The following MTUS2 variants were observed in gnomAD, a reference collection of about 807,000 sequenced individuals.
The protein encoded by MTUS2 is microtubule associated scaffold protein 2.
MTUS2 carries 40 observed loss-of-function variants against 114.1 expected under a neutral mutation model. The observed-to-expected ratio is 0.35, with a 90% confidence interval of 0.27 to 0.46. The LOEUF is 0.46. Ranked by LOEUF, MTUS2 falls within the 20% of genes least tolerant of loss-of-function variation. The pLI is 1.00. For synonymous variants in MTUS2, 688 were observed against 672.0 expected (o/e 1.02, Z -0.37); for missense variants, 1,679 against 1,705.4 (o/e 0.98, Z 0.27).
chr13:29,355,439 G>A (rs1229254051), intron 7 of MTUS2, among the ~76,000 whole-genome samples: 1 of 152,230 alleles, frequency 6.6e-6, no homozygotes, highest in Non-Finnish European at 1.5e-5. Flanking sequence ...TAGATTTAGA[G>A]TATGCACCCA....
At chr13:29,263,960 C>G (rs1291577599) in intron 5 of MTUS2, among the ~76,000 whole-genome samples, 1 of 152,186 alleles carries the variant, frequency 6.6e-6, no homozygotes, top group Non-Finnish European at 1.5e-5. Context: ...TCCCAAATGT[C>G]TCAACTCATT....
At chr13:28,825,091 C>T (rs558814491) in intron 1 of MTUS2, among the ~76,000 whole-genome samples, 1 of 152,300 alleles carries the variant, frequency 6.6e-6, no homozygotes, top group Admixed American at 6.5e-5. Context: ...CTCATGACAG[C>T]AGCCCCATCC....
chr13:29,012,020 A>G (rs991147426), intron 2 of MTUS2, among the ~76,000 whole-genome samples: 1 of 152,126 alleles, frequency 6.6e-6, no homozygotes, highest in African/African-American at 2.4e-5. Flanking sequence ...AGTGAACCTC[A>G]CTTCACTCCT....
intron 4 of MTUS2, among the ~76,000 whole-genome samples, chr13:29,051,842 A>C (rs1386702058): frequency 2.0e-5 from 3 of 152,194 alleles, no homozygotes; most frequent in African/African-American, 7.2e-5. Context: ...AAGTGTAGCC[A>C]CCTCAGGCTT....
intron 7 of MTUS2, among the ~76,000 whole-genome samples, chr13:29,356,522 C>T (rs560564639): frequency 5.3e-5 from 8 of 152,264 alleles, no homozygotes; most frequent in African/African-American, 1.7e-4. Flanking sequence ...GCCTGAGCTG[C>T]GATCTTTTTG....
At chr13:29,491,821 TGTGTGTGTGTGGTAG>T (rs1326212670) in intron 11 of MTUS2, among the ~76,000 whole-genome samples, 2 of 137,530 alleles carry the variant, frequency 1.5e-5, no homozygotes, top group African/African-American at 6.3e-5. Flanking sequence ...GTGGGGTAGG[TGTGTGTGTGTGGTAG>T]GTGTGTGTGT....
chr13:29,186,514 C>A (rs769571156), intron 5 of MTUS2, among the ~76,000 whole-genome samples: 3 of 152,052 alleles, frequency 2.0e-5, no homozygotes, highest in Non-Finnish European at 4.4e-5. Flanking sequence ...GACTTTAAGG[C>A]AACAATTATC....
intron 10 of MTUS2, chr13:29,484,817 C>G (rs1881475254): frequency 6.6e-6 from 1 of 152,256 alleles, no homozygotes; most frequent in African/African-American, 2.4e-5. Context: ...AGCCCTAGAT[C>G]ATTGCATTTT....
intron 8 of MTUS2, among the ~76,000 whole-genome samples, chr13:29,371,975 CG>C (rs767133593): frequency 5.1e-4 from 29 of 56,656 alleles, no homozygotes; most frequent in South Asian, 8.2e-4. Context: ...CCTCAACCCC[CG>C]CCCCCCCCCC....
chr13:28,969,576 C>T (rs1883759687), intron 2 of MTUS2, among the ~76,000 whole-genome samples: 1 of 152,028 alleles, frequency 6.6e-6, no homozygotes, highest in African/African-American at 2.4e-5. Flanking sequence ...GATCTTGACT[C>T]ACTGCCACAT....
chr13:29,126,593 T>A (rs1891525508), intron 5 of MTUS2, among the ~76,000 whole-genome samples: 1 of 152,170 alleles, frequency 6.6e-6, no homozygotes, highest in African/African-American at 2.4e-5. Flanking sequence ...CAACATAAAT[T>A]CGTAAACTTT....
intron 4 of MTUS2, among the ~76,000 whole-genome samples, chr13:29,064,779 C>G (rs1888587106): frequency 1.3e-5 from 2 of 152,160 alleles, no homozygotes; most frequent in African/African-American, 2.4e-5. Context: ...CTCCTCCCCA[C>G]CCATCCCTCA....
intron 5 of MTUS2, among the ~76,000 whole-genome samples, chr13:29,250,849 C>T (rs1436343802): frequency 6.6e-6 from 1 of 152,092 alleles, no homozygotes; most frequent in Non-Finnish European, 1.5e-5. Flanking sequence ...TAACACCAAC[C>T]CGCAAAAAAC....
chr13:28,987,535 G>A (rs1403829063), intron 2 of MTUS2, among the ~76,000 whole-genome samples: 7 of 152,124 alleles, frequency 4.6e-5, no homozygotes, highest in Admixed American at 4.6e-4. Flanking sequence ...GAGGAAGCTC[G>A]ACCCTATTAA....
intron 5 of MTUS2, among the ~76,000 whole-genome samples, chr13:29,256,862 C>G (rs1477631637): frequency 6.6e-6 from 1 of 152,190 alleles, no homozygotes; most frequent in Non-Finnish European, 1.5e-5. Flanking sequence ...CCGTTAAAAC[C>G]TTATCCAAGC....
chr13:28,882,281 C>G (rs893195550), intron 2 of MTUS2, among the ~76,000 whole-genome samples: 2 of 152,154 alleles, frequency 1.3e-5, no homozygotes, highest in African/African-American at 4.8e-5. Flanking sequence ...CTTCTGACTT[C>G]AAGTGATCTG....
At chr13:29,143,377 G>A (rs182280324) in intron 5 of MTUS2, among the ~76,000 whole-genome samples, 1 of 152,264 alleles carries the variant, frequency 6.6e-6, no homozygotes, top group Admixed American at 6.5e-5. Flanking sequence ...CTCCATATAT[G>A]TTCAGTGCTT....
intron 5 of MTUS2, among the ~76,000 whole-genome samples, chr13:29,218,144 A>C (rs1442803045): frequency 6.6e-6 from 1 of 151,036 alleles, no homozygotes; most frequent in African/African-American, 2.5e-5. Context: ...CCAAAACAAA[A>C]CAAAACAAAA....
chr13:28,975,687 A>C (rs916006729), intron 2 of MTUS2, among the ~76,000 whole-genome samples: 1 of 152,204 alleles, frequency 6.6e-6, no homozygotes, highest in African/African-American at 2.4e-5. Context: ...TATCTCATTT[A>C]ATCTTTGCCA....
Sources: allele counts gnomAD v4.1 joint callset (sites outside exome capture counted in the v4.1 genomes callset), GRCh38; gene constraint gnomAD v4.1.1; transcripts MANE v1.5; gene names NCBI Gene and HGNC (gene_info 2026-07-23, HGNC 2026-07-21).